The following MLLT1 variants were observed in gnomAD, a reference collection of about 807,000 sequenced individuals.
MLLT1 encodes protein ENL.
In MLLT1, 11 loss-of-function variants were observed where a neutral mutation model predicts 55.1. The observed-to-expected ratio is 0.20, with a 90% confidence interval of 0.13 to 0.33. The LOEUF (loss-of-function observed/expected upper bound fraction) is 0.33. Ranked by LOEUF, MLLT1 falls within the 10% of genes least tolerant of loss-of-function variation. The pLI is 1.00. For missense variants in MLLT1, 536 were observed against 760.6 expected (o/e 0.70, Z 3.47); for synonymous variants, 323 against 320.1 (o/e 1.01, Z -0.10).
chr19:6,237,553 C>G (rs552093480), intron 3 of MLLT1, among the ~76,000 whole-genome samples: 4 of 148,676 alleles, frequency 2.7e-5, no homozygotes, highest in African/African-American at 5.0e-5. Context: ...GTCAGGAGAT[C>G]GAGACCATCC....
Position 6,211,742 on chromosome 19 carries a change from T to G in MLLT1, c.*1300A>C, listed in dbSNP as rs2090774273. 9.4e-7 allele frequency: 1 copy of G among 1,063,506 alleles called. No individual in the cohort carries two copies. The highest frequency in any genetic ancestry group is 5.4e-5 in the Admixed American group (1 of 18,650). The allele number at this position is 1,063,506 out of a possible 1,614,324, so 65.9% of individuals were successfully genotyped here. A position where few individuals can be genotyped will look rare whatever the true frequency, so the allele number is the denominator to read the frequency against. ...GCTAACCAGGCAGGCCTCCAGCCCC[T>G]GGGACCCCCAGCCACGATGGGCTGG... On this transcript the variant is annotated 3_prime_UTR_variant, in exon 12 of 12. Transcript: ENST00000252674. The surrounding 1 kb of genome is among the most constrained non-coding windows in gnomAD (Gnocchi z 4.6).
rs2090992674 is a variant in MLLT1 at position 6,229,961 on chromosome 19, T to C, written c.420+609A>G. On this transcript the variant is annotated intron_variant, in intron 4 of 11. Coordinates refer to ENST00000252674, the MANE Select transcript of MLLT1 (RefSeq NM_005934.4). The surrounding 1 kb of genome is among the most constrained non-coding windows in gnomAD (Gnocchi z 5.2). ...GTGGCCCTGGGCCCTGAAGGTGGCA[T>C]TGCTGTTCTGTGACCAGGCCTCAGC... Among the ~76,000 whole-genome samples the C allele has an allele frequency of 6.6e-6, 1 of 152,100 alleles. No individual in the cohort carries two copies. Among genetic ancestry groups the C allele is most frequent in the Non-Finnish European group, 1.5e-5 (1 of 67,994 alleles).
At chr19:6,248,893 C>T (rs2091191392) in intron 3 of MLLT1, among the ~76,000 whole-genome samples, 1 of 152,138 alleles carries the variant, frequency 6.6e-6, no homozygotes, top group Non-Finnish European at 1.5e-5. Context: ...ACTATCTTTG[C>T]AGCTCTTCTG....
In MLLT1 at chr19:6,256,326, G is replaced by A. The variant is rs2091256731; in HGVS notation, c.276+5902C>T. Among the ~76,000 whole-genome samples the A allele has an allele frequency of 6.6e-6, 1 of 152,150 alleles. No homozygotes were observed. Among genetic ancestry groups the A allele is most frequent in the Non-Finnish European group, 1.5e-5 (1 of 68,038 alleles). On this transcript the variant is annotated intron_variant, in intron 3 of 11. Transcript: ENST00000252674. This position sits in a 1 kb window ranked among gnomAD's most constrained non-coding sequence, Gnocchi z 4.1. ...ATAATAAAATTAGCTGGATGTGGTG[G>A]TGCAGGCCCGTGGTTCCAGCTACCT...
At chr19:6,264,586 C>T (rs1161220344) in intron 2 of MLLT1, among the ~76,000 whole-genome samples, 1 of 151,894 alleles carries the variant, frequency 6.6e-6, no homozygotes, top group Non-Finnish European at 1.5e-5. Context: ...ATATATCCAA[C>T]AAATAAAAAT....
chr19:6,224,920 G>A lies in MLLT1; in HGVS notation c.546+2057C>T, dbSNP rs556350645. Among the ~76,000 whole-genome samples the A allele has an allele frequency of 6.6e-5, 10 of 152,222 alleles. No individual in the cohort carries two copies. The East Asian group carries it at 1.5e-3, about 24-fold the overall frequency. On this transcript the variant is annotated intron_variant, in intron 5 of 11. Transcript: ENST00000252674. ...AACTTTTTGTATTTTTAGTAGAGAC[G>A]GGGTTTCACCGTGTTAGCCAGGATG...
intron 1 of MLLT1, among the ~76,000 whole-genome samples, chr19:6,278,698 G>T (rs917942095): frequency 6.6e-6 from 1 of 152,080 alleles, no homozygotes; most frequent in Non-Finnish European, 1.5e-5. Context: ...GATCCCAGGG[G>T]CGGAGAGGGC....
chr19:6,239,316 T>C (rs1296892346), intron 3 of MLLT1, among the ~76,000 whole-genome samples: 1 of 152,154 alleles, frequency 6.6e-6, no homozygotes, highest in Non-Finnish European at 1.5e-5. Context: ...CCGACCGAAA[T>C]ACCCACAGAG....
rs898514270 is a variant in MLLT1 at position 6,270,455 on chromosome 19, G to C, written c.193+124C>G. 31 of 1,044,044 alleles carry C rather than the reference G, an allele frequency of 3.0e-5. No individual in the cohort carries two copies. The highest frequency in any genetic ancestry group is 4.1e-5 in the Non-Finnish European group (30 of 739,290). 64.7% of individuals were successfully genotyped at this position (1,044,044 alleles called of 1,614,324 possible). A position where few individuals can be genotyped will look rare whatever the true frequency, so the allele number is the denominator to read the frequency against. On this transcript the variant is annotated intron_variant, in intron 2 of 11. Transcript: ENST00000252674. The surrounding 1 kb of genome is among the most constrained non-coding windows in gnomAD (Gnocchi z 7.1). ...CTCCAGTGCCCCCACGCCGAGGGAC[G>C]CAAGCTGGAACCTCATGGTTGGAGG... is the stretch of plus-strand genomic sequence containing the variant.
rs527522621 is a variant in MLLT1 at position 6,212,158 on chromosome 19, C to T, written c.*884G>A. Reference sequence around the variant, plus strand: ...AGGGCGGCTGATGCGAGTCTGTCCGCGGAGACTGTTGGCGCTAGTCTGAGT... The same window carrying T: ...AGGGCGGCTGATGCGAGTCTGTCCGTGGAGACTGTTGGCGCTAGTCTGAGT... On this transcript the variant is annotated 3_prime_UTR_variant, in exon 12 of 12. Coordinates refer to ENST00000252674, the MANE Select transcript of MLLT1 (RefSeq NM_005934.4). The T allele has an allele frequency of 4.7e-6, 5 of 1,066,238 alleles. No homozygotes were observed. Among genetic ancestry groups the T allele is most frequent in the South Asian group, 9.1e-5 (2 of 21,986 alleles). The allele number at this position is 1,066,238 out of a possible 1,614,324, so 66.0% of individuals were successfully genotyped here.
At chr19:6,252,188 C>T (rs2091221595) in intron 3 of MLLT1, among the ~76,000 whole-genome samples, 1 of 152,192 alleles carries the variant, frequency 6.6e-6, no homozygotes, top group African/African-American at 2.4e-5. Context: ...TCTCCATCTG[C>T]CTCTCTCCCT....
intron 6 of MLLT1, among the ~76,000 whole-genome samples, chr19:6,220,934 T>C (rs1221264979): frequency 6.6e-6 from 1 of 152,050 alleles, no homozygotes; most frequent in Non-Finnish European, 1.5e-5. Flanking sequence ...GATGGTGCCG[T>C]CTTCAGCCAC....
intron 10 of MLLT1, 86 bp downstream of exon 10, chr19:6,213,639 TG>T: frequency 2.3e-6 from 3 of 1,321,548 alleles, no homozygotes; most frequent in South Asian, 1.2e-5. Flanking sequence ...TGTGGGGTGT[TG>T]GGGGGCTCTG....
At chr19:6,215,444 G>A (rs534861958) in intron 8 of MLLT1, among the ~76,000 whole-genome samples, 1 of 152,174 alleles carries the variant, frequency 6.6e-6, no homozygotes, top group Admixed American at 6.5e-5. Flanking sequence ...TGTCGGAGTC[G>A]TGGGCCCGGA....
At chr19:6,269,150 C>T (rs998273323) in intron 2 of MLLT1, among the ~76,000 whole-genome samples, 2 of 152,232 alleles carry the variant, frequency 1.3e-5, no homozygotes, top group Non-Finnish European at 1.5e-5. Flanking sequence ...ACAGGCAACA[C>T]CTATGCGGGC....
chr19:6,271,110 C>T (rs938393328), intron 1 of MLLT1, among the ~76,000 whole-genome samples: 3 of 152,024 alleles, frequency 2.0e-5, no homozygotes, highest in South Asian at 4.1e-4. Flanking sequence ...CCCACACTGG[C>T]GCCTCTTGTC....
intron 1 of MLLT1, among the ~76,000 whole-genome samples, chr19:6,271,762 G>T (rs2091396744): frequency 6.6e-6 from 1 of 152,240 alleles, no homozygotes; most frequent in Non-Finnish European, 1.5e-5. Context: ...TTGCTTCTAA[G>T]TGCTGAGATA....
rs555725973 is a variant in MLLT1, at chr19:6,229,111, C to T, written c.420+1459G>A. Among the ~76,000 whole-genome samples the T allele has an allele frequency of 3.9e-5, 6 of 152,202 alleles. No homozygotes were observed. Among genetic ancestry groups the T allele is most frequent in the Non-Finnish European group, 8.8e-5 (6 of 68,030 alleles). ...CAGGGAACGCCACTTCCCACAGCCA[C>T]GCCACCACGGAACCTCCGGGGACGC... On this transcript the variant is annotated intron_variant, in intron 4 of 11. Transcript: ENST00000252674. The surrounding 1 kb of genome is among the most constrained non-coding windows in gnomAD (Gnocchi z 5.2).
chr19:6,223,842 C>T (rs958515578), intron 5 of MLLT1, among the ~76,000 whole-genome samples: 2 of 152,174 alleles, frequency 1.3e-5, no homozygotes, highest in African/African-American at 4.8e-5. Flanking sequence ...CTGCTGTTAG[C>T]CACCAGGGGC....
Sources: allele counts gnomAD v4.1 joint callset (sites outside exome capture counted in the v4.1 genomes callset), GRCh38; gene constraint gnomAD v4.1.1; non-coding constraint Gnocchi (gnomAD v3.1); transcripts MANE v1.5; gene names NCBI Gene and HGNC (gene_info 2026-07-23, HGNC 2026-07-21).